TLL2: variants seen among roughly 807,000 people sequenced by gnomAD.
TLL2 encodes tolloid-like protein 2.
A neutral mutation model predicts 123.0 loss-of-function variants in TLL2; 106 were observed. The observed-to-expected ratio is 0.86, with a 90% CI of 0.74 to 1.01. The LOEUF (loss-of-function observed/expected upper bound fraction) is 1.01. TLL2 is among the 50% of genes least tolerant of loss of function. The probability of loss-of-function intolerance (pLI) is 0.00; values close to 1 mark genes in which losing one functional copy is unlikely to be tolerated. For missense variants in TLL2, 1,332 were observed against 1,336.7 expected (o/e 1.00, Z 0.06); for synonymous variants, 494 against 516.8 (o/e 0.96, Z 0.60).
intron 1 of TLL2, among the ~76,000 whole-genome samples, chr10:96,507,890 C>T (rs1294945875): frequency 1.3e-5 from 2 of 152,232 alleles, no homozygotes; most frequent in Non-Finnish European, 2.9e-5. Flanking sequence ...AAAAGACAAA[C>T]ATTTAACTCC....
intron 2 of TLL2, among the ~76,000 whole-genome samples, chr10:96,470,381 G>A (rs1021031357): frequency 2.6e-5 from 4 of 152,206 alleles, no homozygotes; most frequent in Non-Finnish European, 5.9e-5. Context: ...CAGTTCACAC[G>A]TGTTTGTCTG....
chr10:96,379,185 G>A (rs1315813445), intron 16 of TLL2, 93 bp from the exon 17 acceptor site: 1 of 1,511,564 alleles, frequency 6.6e-7, no homozygotes, highest in East Asian at 2.3e-5. Flanking sequence ...CCTCCTCTGG[G>A]AAGCCTCTCT....
chr10:96,434,442 A>G (rs1247490743), intron 3 of TLL2, among the ~76,000 whole-genome samples: 3 of 152,060 alleles, frequency 2.0e-5, no homozygotes, highest in Non-Finnish European at 4.4e-5. Flanking sequence ...ATGGAATCAC[A>G]CCACATGTGG....
At chr10:96,395,012 G>C (rs1482493674) in intron 13 of TLL2, among the ~76,000 whole-genome samples, 175 bp downstream of exon 13, 1 of 152,218 alleles carries the variant, frequency 6.6e-6, no homozygotes, top group East Asian at 1.9e-4. Context: ...GCCTGCTCCT[G>C]ATCAGTTGGG....
rs1438309617 is a variant in TLL2, at chr10:96,437,310, T to C, written c.365-4348A>G. Among the ~76,000 whole-genome samples the C allele has an allele frequency of 2.0e-5, 3 of 152,222 alleles. No individual in the cohort carries two copies. In the East Asian group the frequency reaches 5.8e-4, roughly 29 times the overall value. On this transcript the variant is annotated intron_variant, in intron 3 of 20. Coordinates refer to ENST00000357947, the MANE Select transcript of TLL2 (RefSeq NM_012465.4). ...CTTTCAGATATTTCATTTCCTCTAA[T>C]GGTAACATTTTGCAAAACTACAGTA... is the stretch of plus-strand genomic sequence containing the variant.
intron 1 of TLL2, among the ~76,000 whole-genome samples, chr10:96,512,824 T>A (rs1465999613): frequency 6.6e-6 from 1 of 152,214 alleles, no homozygotes; most frequent in African/African-American, 2.4e-5. Context: ...AAGCGGGAGC[T>A]GCAGCGCCCG....
chr10:96,476,222 G>T (rs7895360), intron 2 of TLL2, among the ~76,000 whole-genome samples: 2 of 93,288 alleles, frequency 2.1e-5, no homozygotes, highest in African/African-American at 8.0e-5. Context: ...AATTTTATAT[G>T]TATATATATA....
At chr10:96,470,174 ACT>A (rs1374076179) in intron 2 of TLL2, among the ~76,000 whole-genome samples, 1 of 152,134 alleles carries the variant, frequency 6.6e-6, no homozygotes, top group African/African-American at 2.4e-5. Context: ...CTTTCCAGAC[ACT>A]CTCTGCAAGG....
intron 13 of TLL2, among the ~76,000 whole-genome samples, chr10:96,388,497 GA>G (rs1434944400): frequency 6.6e-6 from 1 of 152,202 alleles, no homozygotes; most frequent in Non-Finnish European, 1.5e-5. Flanking sequence ...TAAAGACCTG[GA>G]AAGTTACCCA....
In TLL2 at chr10:96,366,194, G is replaced by C. The variant is rs971020609; in HGVS notation, c.*1894C>G. On this transcript the variant is annotated 3_prime_UTR_variant, in exon 21 of 21. Transcript: ENST00000357947. ...TCTACCCTAACAGGCAGGTGGGATT[G>C]GAGCCATGAGGTCAGCTGCTCCATT... 6 of 152,538 alleles carry C rather than the reference G, an allele frequency of 3.9e-5. No individual in the cohort carries two copies. The highest frequency in any genetic ancestry group is 1.2e-4 in the African/African-American group (5 of 41,460). 9.4% of individuals were successfully genotyped at this position (152,538 alleles called of 1,614,324 possible).
rs548041153 is a variant in TLL2, at chr10:96,385,853, C to T, written c.2013+202G>A. On this transcript the variant is annotated intron_variant, in intron 15 of 20. Transcript: ENST00000357947. Reference sequence around the variant, plus strand: ...TTGGATGTATCAGCGACAAGAGGGCCGGAGGTGCTCTATCTGCAGAGGGCG... The same window carrying T: ...TTGGATGTATCAGCGACAAGAGGGCTGGAGGTGCTCTATCTGCAGAGGGCG... Among the ~76,000 whole-genome samples the T allele has an allele frequency of 5.3e-5, 8 of 152,264 alleles. No individual in the cohort carries two copies. In the East Asian group the frequency reaches 5.8e-4, roughly 11 times the overall value.
chr10:96,446,028 G>T, intron 3 of TLL2, 63 bp downstream of exon 3: 1 of 1,499,248 alleles, frequency 6.7e-7, no homozygotes. Context: ...CTTATGTCAC[G>T]TGTATTTTTC....
At position 96,422,586 on chromosome 10, in the gene TLL2, G is replaced by T; in HGVS notation, c.780C>A (p.Asp260Glu). ...TTTCCCTGATGATGGTGACATGTTG[G>T]TCTCTGTCTGGCCGGGTGTGTTCAT... ...FWHEHTRPDR[D>E]QHVTIIRENI... Residue 260 changes from aspartate to glutamate, a missense_variant, in exon 6 of 21, where the codon GAC (aspartate) becomes GAA (glutamate). By Grantham distance (45) the Asp-to-Glu change is conservative (BLOSUM62 2). Transcript: ENST00000357947. The T allele has an allele frequency of 1.9e-6, 3 of 1,614,142 alleles. No individual in the cohort carries two copies. Among genetic ancestry groups the T allele is most frequent in the South Asian group, 2.2e-5 (2 of 91,076 alleles).
At position 96,476,216 on chromosome 10, in the gene TLL2, T is replaced by TCATATATATA. The variant is rs1554939587; in HGVS notation, c.286+4132_286+4133insTATATATATG. 1.4e-3 allele frequency among the ~76,000 whole-genome samples: 46 copies of TCATATATATA among 33,350 alleles called. 1 individual carries two copies. The highest frequency in any genetic ancestry group is 3.5e-3 in the African/African-American group (40 of 11,460). The allele number at this position is 33,350 out of a possible 152,430, so 21.9% of individuals were successfully genotyped here. ...ATAAAGGTGTGGTTCCTTTTTAATT[T>TCATATATATA]TATATGTATATATATATATATATAT... On this transcript the variant is annotated intron_variant, in intron 2 of 20. Transcript: ENST00000357947.
chr10:96,499,232 A>G (rs1057373535), intron 1 of TLL2, among the ~76,000 whole-genome samples: 10 of 152,160 alleles, frequency 6.6e-5, no homozygotes, highest in African/African-American at 2.2e-4. Flanking sequence ...AGTTTTGCCA[A>G]TTTCCACTGG....
intron 10 of TLL2, among the ~76,000 whole-genome samples, chr10:96,403,275 A>G (rs1452181497): frequency 6.6e-6 from 1 of 152,224 alleles, no homozygotes; most frequent in Non-Finnish European, 1.5e-5. Flanking sequence ...GATGTAGGGA[A>G]AAGAAAGAGA....
chr10:96,437,536 A>G (rs891828092), intron 3 of TLL2, among the ~76,000 whole-genome samples: 6 of 152,198 alleles, frequency 3.9e-5, no homozygotes, highest in Non-Finnish European at 7.3e-5. Flanking sequence ...TTTTATAACA[A>G]TATCTACCCC....
intron 5 of TLL2, among the ~76,000 whole-genome samples, chr10:96,426,933 T>C (rs2134078212): frequency 6.6e-6 from 1 of 152,342 alleles, no homozygotes; most frequent in East Asian, 1.9e-4. Flanking sequence ...TATTTATTTT[T>C]ACTAGCTTCT....
intron 4 of TLL2, among the ~76,000 whole-genome samples, chr10:96,428,977 T>C (rs575680596): frequency 1.8e-4 from 28 of 152,238 alleles, no homozygotes; most frequent in Admixed American, 1.8e-3. Flanking sequence ...GCTAATTTTG[T>C]ATTTTTAGTA....
Sources: allele counts gnomAD v4.1 joint callset (sites outside exome capture counted in the v4.1 genomes callset), GRCh38; gene constraint gnomAD v4.1.1; transcripts MANE v1.5; gene names NCBI Gene and HGNC (gene_info 2026-07-23, HGNC 2026-07-21).